The following ARID1B variants were observed in gnomAD, a reference collection of about 807,000 sequenced individuals.
ARID1B encodes AT-rich interactive domain-containing protein 1B.
ARID1B carries 30 observed loss-of-function variants against 212.3 expected under a neutral mutation model. The ratio of observed to expected loss-of-function variants is 0.14; its 90% CI spans 0.11 to 0.19. The LOEUF (loss-of-function observed/expected upper bound fraction) is 0.19, where lower values mean the gene tolerates loss of function less well. Among genes scored for constraint, ARID1B ranks in the 10% least tolerant of loss-of-function variants. The probability of loss-of-function intolerance (pLI) is 1.00; values close to 1 mark genes in which losing one functional copy is unlikely to be tolerated. For synonymous variants in ARID1B, 1,402 were observed against 1,301.7 expected, an observed-to-expected ratio of 1.08 and a Z score of -1.66; for missense variants, 2,891 against 3,204.0, an observed-to-expected ratio of 0.90 and a Z score of 2.36.
intron 1 of ARID1B, among the ~76,000 whole-genome samples, chr6:156,788,341 A>G (rs1205369848): frequency 2.6e-5 from 4 of 152,068 alleles, no homozygotes; most frequent in Non-Finnish European, 4.4e-5. Flanking sequence ...ACTCTTGCTC[A>G]GCAGTTGTAT....
chr6:157,173,996 G>A lies in ARID1B; in HGVS notation c.3236-12G>A. ...CATATAATCCTAAACTCTTTCTCCT[G>A]TTTTCGATTAGCATCTGTGGGTCTT... On this transcript the variant is annotated splice_polypyrimidine_tract_variant and intron_variant, in intron 9 of 19. Coordinates refer to ENST00000636930, the MANE Select transcript of ARID1B (RefSeq NM_001374828.1). 1 of 1,609,562 alleles carries A rather than the reference G, an allele frequency of 6.2e-7. No homozygotes were observed. Among genetic ancestry groups the A allele is most frequent in the Non-Finnish European group, 8.5e-7 (1 of 1,175,884 alleles).
Position 157,136,038 on chromosome 6 carries a change from G to GTAA in ARID1B, c.2761+2835_2761+2837dup, listed in dbSNP as rs773627273. 3.9e-4 allele frequency among the ~76,000 whole-genome samples: 60 copies of GTAA among 152,118 alleles called. 1 individual carries two copies. The highest frequency in any genetic ancestry group is 1.0e-4 in the Non-Finnish European group (7 of 68,020). ...ATGAGAAGCTTTTCCAAAATTGTTA[G>GTAA]TAATAACAACCAGCATTTATTGAAC... On this transcript the variant is annotated intron_variant, in intron 7 of 19. Coordinates refer to ENST00000636930, the MANE Select transcript of ARID1B (RefSeq NM_001374828.1).
At chr6:156,913,607 T>A (rs977670738) in intron 3 of ARID1B, among the ~76,000 whole-genome samples, 2 of 152,146 alleles carry the variant, frequency 1.3e-5, no homozygotes, top group African/African-American at 4.8e-5. Context: ...TAACTGAAAT[T>A]TTGTATCTTT....
chr6:156,776,981 T>C (rs1778658280), upstream of ARID1B: 1 of 152,252 alleles, frequency 6.6e-6, no homozygotes, highest in South Asian at 2.1e-4. Flanking sequence ...ATATTTTCTT[T>C]CTCCGTCGGC....
rs764452515 is a variant in ARID1B at position 157,181,156 on chromosome 6, A to G, written c.3692A>G (p.Lys1231Arg). 4 of 1,614,214 alleles carry G rather than the reference A, an allele frequency of 2.5e-6. No homozygotes were observed. The highest frequency in any genetic ancestry group is 3.4e-6 in the Non-Finnish European group (4 of 1,180,048). The change falls in exon 12 of 20, where the codon AAA becomes AGA. Residue 1231 changes from lysine (K) to arginine (R), a missense_variant. By Grantham distance (26) the Lys-to-Arg change is conservative. This residue lies in a region of ARID1B where 666 missense variants were observed against 873.5 expected (regional missense o/e 0.76). Coordinates refer to ENST00000636930, the MANE Select transcript of ARID1B (RefSeq NM_001374828.1). ...CTGTTCCGACTCTACGTCTGCGTCA[A>G]AGAGATCGGGGGTTTGGCCCAGGTA... Reference protein sequence around the residue: ...LDLFRLYVCVKEIGGLAQVNK... With the variant: ...LDLFRLYVCVREIGGLAQVNK...
At chr6:156,971,450 C>T (rs1411868511) in intron 4 of ARID1B, among the ~76,000 whole-genome samples, 1 of 152,112 alleles carries the variant, frequency 6.6e-6, no homozygotes, top group Non-Finnish European at 1.5e-5. Context: ...TGTGTGTATG[C>T]AGAGAAAATA....
chr6:157,039,686 C>CTTCTTTCTTTCT (rs1562569253), intron 4 of ARID1B, among the ~76,000 whole-genome samples: 6 of 68,770 alleles, frequency 8.7e-5, no homozygotes, highest in East Asian at 7.2e-4. Flanking sequence ...TCCTTCCTTC[C>CTTCTTTCTTTCT]TTCCTTCCTT....
rs150652562 is a variant in ARID1B at position 156,979,798 on chromosome 6, C to T, written c.2247+44222C>T. 5.1e-3 allele frequency among the ~76,000 whole-genome samples: 771 copies of T among 152,306 alleles called. 4 individuals are homozygous for T. The highest frequency in any genetic ancestry group is 0.017 in the African/African-American group (720 of 41,558). Reference sequence around the variant, plus strand: ...ATCTCTATCTCTTGACCTCTTGATCCGCCCACCTCGGCCTCCCAAAGTGCT... The same window carrying T: ...ATCTCTATCTCTTGACCTCTTGATCTGCCCACCTCGGCCTCCCAAAGTGCT... On this transcript the variant is annotated intron_variant, in intron 4 of 19. Coordinates refer to ENST00000636930, the MANE Select transcript of ARID1B (RefSeq NM_001374828.1).
chr6:156,927,942 G>A (rs1791362039), intron 3 of ARID1B, among the ~76,000 whole-genome samples: 1 of 152,194 alleles, frequency 6.6e-6, no homozygotes, highest in Non-Finnish European at 1.5e-5. Context: ...TTTAAGAGGA[G>A]CCCATTTGAG....
At position 156,793,135 on chromosome 6, in the gene ARID1B, G is replaced by T. The variant is rs866942434; in HGVS notation, c.1791+13664G>T. 5.3e-5 allele frequency among the ~76,000 whole-genome samples: 8 copies of T among 152,238 alleles called. 1 individual carries two copies. In the Middle Eastern group the frequency reaches 0.017, roughly 324 times the overall value. ...AGCCCTAATATCAGATTAATACCGG[G>T]GTGGGGGCATGAGGCATGGCTGGCA... On this transcript the variant is annotated intron_variant, in intron 1 of 19. Coordinates refer to ENST00000636930, the MANE Select transcript of ARID1B (RefSeq NM_001374828.1).
intron 6 of ARID1B, among the ~76,000 whole-genome samples, chr6:157,118,037 A>G (rs1196685821): frequency 1.3e-5 from 2 of 152,230 alleles, no homozygotes; most frequent in South Asian, 4.1e-4. Flanking sequence ...AGAAATATGT[A>G]AAATTTTGAA....
chr6:156,810,232 G>T (rs542755595), intron 1 of ARID1B, among the ~76,000 whole-genome samples: 2 of 152,248 alleles, frequency 1.3e-5, no homozygotes, highest in South Asian at 4.1e-4. Flanking sequence ...GCAATTTTTT[G>T]AGTTAGAATT....
chr6:156,935,628 A>G, intron 4 of ARID1B, 52 bp downstream of exon 4: 1 of 1,454,524 alleles, frequency 6.9e-7, no homozygotes, highest in Non-Finnish European at 9.6e-7. Context: ...AGACTTTTAG[A>G]AAGAGCTGTT....
At chr6:157,149,018 C>A in intron 8 of ARID1B, 67 bp downstream of exon 8, 1 of 1,464,626 alleles carries the variant, frequency 6.8e-7, no homozygotes, top group Non-Finnish European at 9.3e-7. Flanking sequence ...CGTGACTGCG[C>A]ACATAGCTGC....
chr6:157,091,099 A>C (rs1785248596), intron 5 of ARID1B, among the ~76,000 whole-genome samples: 1 of 152,222 alleles, frequency 6.6e-6, no homozygotes, highest in Admixed American at 6.6e-5. Flanking sequence ...AGCCTGAAGA[A>C]ATCGCTTGGT....
chr6:157,108,103 G>A (rs1043589917), intron 5 of ARID1B: 1 of 152,186 alleles, frequency 6.6e-6, no homozygotes, highest in Admixed American at 6.5e-5. Context: ...ATGGTAGAAA[G>A]ATAGGGAGTA....
chr6:156,826,992 G>T (rs1336295992), intron 1 of ARID1B, among the ~76,000 whole-genome samples: 2 of 152,082 alleles, frequency 1.3e-5, no homozygotes, highest in African/African-American at 4.8e-5. Flanking sequence ...CCTAAATAAA[G>T]TTCATGGGTT....
intron 2 of ARID1B, among the ~76,000 whole-genome samples, chr6:156,862,199 G>A (rs531931764): frequency 6.6e-6 from 1 of 152,180 alleles, no homozygotes; most frequent in Admixed American, 6.5e-5. Context: ...TACAGTTACT[G>A]TGTGGCTCAG....
At chr6:157,199,579 A>G (rs1793960799) in intron 17 of ARID1B, among the ~76,000 whole-genome samples, 1 of 149,344 alleles carries the variant, frequency 6.7e-6, no homozygotes, top group Admixed American at 6.7e-5. Context: ...TGAAAACTAT[A>G]TATATGTTAT....
Sources: allele counts gnomAD v4.1 joint callset (sites outside exome capture counted in the v4.1 genomes callset), GRCh38; gene constraint gnomAD v4.1.1; regional missense constraint gnomAD v4.1.1; transcripts MANE v1.5; gene names NCBI Gene and HGNC (gene_info 2026-07-23, HGNC 2026-07-21).